HS6ST3: variants seen among roughly 807,000 people sequenced by gnomAD.
HS6ST3 encodes the protein heparan-sulfate 6-O-sulfotransferase 3.
HS6ST3 carries 12 observed loss-of-function variants against 36.7 expected under a neutral mutation model. The observed-to-expected ratio is 0.33, with a 90% CI of 0.21 to 0.53. The LOEUF is 0.53. HS6ST3 is among the 20% of genes least tolerant of loss of function. HS6ST3 has a pLI of 0.95. For synonymous variants in HS6ST3, 240 were observed against 257.5 expected (o/e 0.93, Z 0.65); for missense variants, 584 against 640.9 (o/e 0.91, Z 0.96).
intron 1 of HS6ST3, among the ~76,000 whole-genome samples, chr13:96,294,490 A>G (rs933089373): frequency 6.6e-5 from 10 of 152,096 alleles, no homozygotes; most frequent in African/African-American, 2.4e-4. Context: ...GTGCTCCATA[A>G]CCACATGTGG....
At chr13:96,663,346 A>C (rs1285849682) in intron 1 of HS6ST3, among the ~76,000 whole-genome samples, 1 of 152,192 alleles carries the variant, frequency 6.6e-6, no homozygotes, top group East Asian at 1.9e-4. Flanking sequence ...GGGAAATTTG[A>C]GTAAGAATAT....
chr13:96,198,547 CT>C (rs2054325926), intron 1 of HS6ST3, among the ~76,000 whole-genome samples: 1 of 152,192 alleles, frequency 6.6e-6, no homozygotes, highest in Non-Finnish European at 1.5e-5. Context: ...TTAGAAATTT[CT>C]TCTGCCAGCT....
At chr13:96,360,584 A>G (rs1320404182) in intron 1 of HS6ST3, among the ~76,000 whole-genome samples, 1 of 151,008 alleles carries the variant, frequency 6.6e-6, no homozygotes, top group African/African-American at 2.4e-5. Flanking sequence ...TAGAAACATT[A>G]CGGTTGTTTT....
intron 1 of HS6ST3, among the ~76,000 whole-genome samples, chr13:96,767,937 T>A (rs1310644927): frequency 1.3e-5 from 2 of 152,216 alleles, no homozygotes; most frequent in Admixed American, 6.5e-5. Context: ...GAGCTAATAT[T>A]ACAATCAGGT....
At chr13:96,831,242 A>G (rs533949375) in intron 1 of HS6ST3, among the ~76,000 whole-genome samples, 91 of 152,296 alleles carry the variant, frequency 6.0e-4, no homozygotes, top group Non-Finnish European at 1.2e-3. Flanking sequence ...CCATTTAATA[A>G]TGGGTTTATT....
chr13:96,556,669 A>G (rs1419747749), intron 1 of HS6ST3, among the ~76,000 whole-genome samples: 1 of 152,184 alleles, frequency 6.6e-6, no homozygotes, highest in Non-Finnish European at 1.5e-5. Context: ...AGATGAATGC[A>G]TTTTAATACT....
chr13:96,365,491 T>G (rs529378598), intron 1 of HS6ST3, among the ~76,000 whole-genome samples: 54 of 152,218 alleles, frequency 3.5e-4, no homozygotes, highest in Non-Finnish European at 6.5e-4. Flanking sequence ...TTCTCTTTTT[T>G]TTCTGCTCCA....
chr13:96,285,291 C>A (rs761122396), intron 1 of HS6ST3, among the ~76,000 whole-genome samples: 4 of 152,136 alleles, frequency 2.6e-5, no homozygotes, highest in Non-Finnish European at 4.4e-5. Flanking sequence ...CACTTCTGAT[C>A]ATCTTAAAGA....
chr13:96,286,295 T>C (rs564855818), intron 1 of HS6ST3, among the ~76,000 whole-genome samples: 18 of 152,298 alleles, frequency 1.2e-4, no homozygotes, highest in African/African-American at 4.3e-4. Flanking sequence ...TTCTTAATCA[T>C]TTAGCCCTGA....
chr13:96,358,137 T>C (rs946158775), intron 1 of HS6ST3, among the ~76,000 whole-genome samples: 6 of 152,122 alleles, frequency 3.9e-5, no homozygotes, highest in Admixed American at 3.9e-4. Context: ...GAAATCTCTT[T>C]TAAAAAATAA....
At chr13:96,303,028 A>G (rs1181484364) in intron 1 of HS6ST3, among the ~76,000 whole-genome samples, 1 of 152,176 alleles carries the variant, frequency 6.6e-6, no homozygotes, top group Admixed American at 6.6e-5. Flanking sequence ...AGTGAATGCG[A>G]TAGAGACTGT....
At chr13:96,207,647 C>T (rs777014515) in intron 1 of HS6ST3, among the ~76,000 whole-genome samples, 13 of 152,092 alleles carry the variant, frequency 8.5e-5, no homozygotes, top group Non-Finnish European at 1.9e-4. Flanking sequence ...ACTATGCAGC[C>T]ATAAAAAGGA....
intron 1 of HS6ST3, among the ~76,000 whole-genome samples, chr13:96,745,410 G>A (rs1315854712): frequency 6.6e-6 from 1 of 152,066 alleles, no homozygotes; most frequent in Non-Finnish European, 1.5e-5. Context: ...CAGCCATATG[G>A]TTGTAAAAGT....
intron 1 of HS6ST3, among the ~76,000 whole-genome samples, chr13:96,691,446 G>A (rs1430051457): frequency 3.9e-5 from 6 of 152,034 alleles, no homozygotes; most frequent in Non-Finnish European, 7.4e-5. Flanking sequence ...CAATCAGTTG[G>A]AATTTAAATA....
chr13:96,175,857 C>T (rs1337523994), intron 1 of HS6ST3, among the ~76,000 whole-genome samples: 7 of 150,894 alleles, frequency 4.6e-5, no homozygotes, highest in South Asian at 4.2e-4. Context: ...CTTTTTGAGA[C>T]GGAGTCTTGC....
chr13:96,325,441 G>A (rs1925113), intron 1 of HS6ST3, among the ~76,000 whole-genome samples: 71,843 of 151,774 alleles, frequency 0.47, 17,357 homozygotes, highest in African/African-American at 0.56. Flanking sequence ...ATAACAATAC[G>A]ACAATAAAAA....
chr13:96,406,915 T>A (rs1397089056), intron 1 of HS6ST3, among the ~76,000 whole-genome samples: 3 of 152,224 alleles, frequency 2.0e-5, no homozygotes, highest in Admixed American at 6.5e-5. Context: ...TTAAACATTT[T>A]TTTTGTAGAC....
chr13:96,486,986 C>T (rs951262788), intron 1 of HS6ST3, among the ~76,000 whole-genome samples: 3 of 151,972 alleles, frequency 2.0e-5, no homozygotes, highest in African/African-American at 7.2e-5. Context: ...ACTGGGAACT[C>T]GAAGAGATAA....
At chr13:96,419,586 A>G (rs970873827) in intron 1 of HS6ST3, among the ~76,000 whole-genome samples, 1 of 152,226 alleles carries the variant, frequency 6.6e-6, no homozygotes, top group Non-Finnish European at 1.5e-5. Context: ...ATAACAAAGT[A>G]CCACAAACTG....
Sources: gnomAD v4.1 joint callset for allele counts (sites outside exome capture counted in the v4.1 genomes callset) on GRCh38, gnomAD v4.1.1 for gene constraint, MANE v1.5 for transcripts, NCBI Gene and HGNC (gene_info 2026-07-23, HGNC 2026-07-21) for gene names.